EFHB: variants seen among roughly 807,000 people sequenced by gnomAD.
EFHB encodes the protein EF-hand domain family member B.
Under a neutral mutation model 87.2 loss-of-function variants are expected in EFHB, and 91 were observed. The ratio of observed to expected loss-of-function variants is 1.04; its 90% CI spans 0.88 to 1.24. The LOEUF (loss-of-function observed/expected upper bound fraction) is 1.24, where lower values mean the gene tolerates loss of function less well. EFHB is among the 50% of genes most tolerant of loss of function. The pLI is 0.00. For missense variants in EFHB, 1,084 were observed against 998.8 expected (o/e 1.09, Z -1.15); for synonymous variants, 325 against 333.6 (o/e 0.97, Z 0.28).
Position 19,899,468 on chromosome 3 carries a change from T to C in EFHB, c.1466A>G (p.Glu489Gly). 6.2e-7 allele frequency: 1 copy of C among 1,607,142 alleles called. No homozygotes were observed. Among genetic ancestry groups the C allele is most frequent in the Non-Finnish European group, 8.5e-7 (1 of 1,177,962 alleles). The part of the protein sequence containing the change: ...FVSKRADDFK[E>G]KFQHKLGRVL... ...TCTTCCAAGTTTATGTTGAAACTTT[T>C]CTTTGAAATCATCTGCTCTTTTGGA... is the stretch of plus-strand genomic sequence containing the variant. The change falls in exon 7 of 13, where the codon GAA becomes GGA. Residue 489 changes from glutamate (E) to glycine (G), a missense_variant. Transcript: ENST00000295824.
chr3:19,938,077 T>A (rs1428802700), upstream of EFHB, among the ~76,000 whole-genome samples: 1 of 152,172 alleles, frequency 6.6e-6, no homozygotes, highest in Non-Finnish European at 1.5e-5. Flanking sequence ...TCTTCCCTAG[T>A]TACCTGCCTC....
intron 11 of EFHB, among the ~76,000 whole-genome samples, chr3:19,884,115 T>A (rs114625210): frequency 6.6e-6 from 1 of 152,238 alleles, no homozygotes; most frequent in East Asian, 1.9e-4. Context: ...ATATTAATAC[T>A]TGGTGGAGTC....
At chr3:19,923,348 ATGTTTCATT>A (rs1695505098) in intron 1 of EFHB, among the ~76,000 whole-genome samples, 1 of 151,748 alleles carries the variant, frequency 6.6e-6, no homozygotes, top group South Asian at 2.1e-4. Flanking sequence ...GTAGTACCTA[ATGTTTCATT>A]TGTTTTGTTT....
chr3:19,882,727 G>T lies in EFHB; in HGVS notation c.2151C>A (p.Tyr717Ter). ...GAATGGTTGGAACACCACAAATGGG[G>T]TAACCTAGGTCATTGATGAGGGAAG... ...AIVGAIPSTC[Y>*]PICGVPTIRS... is the part of the protein sequence containing the mutation. The change falls in exon 12 of 13, where the codon TAC (tyrosine) becomes TAA (stop). Residue 717 changes from tyrosine (Y) to a stop codon, truncating the protein, a stop_gained. Coordinates refer to ENST00000295824, the MANE Select transcript of EFHB (RefSeq NM_144715.4). LOFTEE classifies it high-confidence loss of function. 6.2e-7 allele frequency: 1 copy of T among 1,611,202 alleles called. No homozygotes were observed. The highest frequency in any genetic ancestry group is 8.5e-7 in the Non-Finnish European group (1 of 1,178,272).
chr3:19,911,531 C>A (rs1255758307), intron 5 of EFHB, among the ~76,000 whole-genome samples: 2 of 151,992 alleles, frequency 1.3e-5, no homozygotes, highest in Non-Finnish European at 2.9e-5. Flanking sequence ...GGACTCCAGC[C>A]TGAGCAACAG....
chr3:19,920,785 A>G (rs1184859828), intron 1 of EFHB, among the ~76,000 whole-genome samples: 7 of 152,236 alleles, frequency 4.6e-5, no homozygotes, highest in African/African-American at 1.7e-4. Flanking sequence ...AATTGTAAGC[A>G]TATATTTTTA....
chr3:19,884,976 C>A, intron 10 of EFHB, among the ~76,000 whole-genome samples: 1 of 150,526 alleles, frequency 6.6e-6, no homozygotes, highest in Non-Finnish European at 1.5e-5. Context: ...AATCCCAGCA[C>A]TTTGGGAGGC....
chr3:19,905,832 C>A, intron 5 of EFHB, 83 bp from the exon 6 acceptor site: 1 of 1,466,102 alleles, frequency 6.8e-7, no homozygotes, highest in Non-Finnish European at 9.1e-7. Flanking sequence ...TTCTCATTGA[C>A]ATTGAAAATG....
rs145670243 is a variant in EFHB at position 19,918,258 on chromosome 3, G to A, written c.1151C>T (p.Thr384Met). 38 of 1,605,870 alleles carry A rather than the reference G, an allele frequency of 2.4e-5. No individual in the cohort carries two copies. Among genetic ancestry groups the A allele is most frequent in the Middle Eastern group, 1.7e-4 (1 of 6,040 alleles). Residue 384 changes from threonine to methionine, a missense_variant, in exon 4 of 13, where the codon ACG becomes ATG. Coordinates refer to ENST00000295824, the MANE Select transcript of EFHB (RefSeq NM_144715.4). ...GLPKGMDTTN[T>M]TFGTAVIKEY... ...TTTGATGACTGCTGTCCCAAATGTC[G>A]TATTGGTTGTGTCCATGCCTTTTGG...
chr3:19,946,218 A>G (rs1243974116), intron 1 of EFHB: 1 of 152,240 alleles, frequency 6.6e-6, no homozygotes, highest in East Asian at 1.9e-4. Context: ...GTGATCTCGG[A>G]CAAGTTACTC....
chr3:19,920,075 AT>A, intron 2 of EFHB, 99 bp from the exon 3 acceptor site: 18 of 1,228,240 alleles, frequency 1.5e-5, no homozygotes, highest in Non-Finnish European at 2.0e-5. Context: ...AAGTGCATGT[AT>A]GTAGTAAATG....
At chr3:19,933,085 T>C in intron 1 of EFHB, 145 bp downstream of exon 1, 2 of 1,067,552 alleles carry the variant, frequency 1.9e-6, no homozygotes, top group Non-Finnish European at 2.6e-6. Context: ...TCTGCAAAGA[T>C]TCCAGTGGGG....
chr3:19,938,372 C>G (rs75953408), upstream of EFHB, among the ~76,000 whole-genome samples: 4,225 of 152,216 alleles, frequency 0.028, 200 homozygotes, highest in African/African-American at 0.096. Context: ...ATATTGAACT[C>G]TAGTAAATGG....
chr3:19,896,591 G>A, intron 9 of EFHB, 96 bp downstream of exon 9: 1 of 1,484,638 alleles, frequency 6.7e-7, no homozygotes, highest in East Asian at 2.3e-5. Flanking sequence ...GGCTGGATTT[G>A]GCCCACAGGC....
At chr3:19,897,365 A>G (rs2125129192) in intron 8 of EFHB, among the ~76,000 whole-genome samples, 1 of 152,312 alleles carries the variant, frequency 6.6e-6, no homozygotes, top group East Asian at 1.9e-4. Context: ...TGCCACCACC[A>G]GCACTAGAGG....
intron 5 of EFHB, among the ~76,000 whole-genome samples, chr3:19,911,083 A>C (rs1039482851): frequency 6.6e-6 from 1 of 152,196 alleles, no homozygotes; most frequent in Non-Finnish European, 1.5e-5. Flanking sequence ...GGAAAATATG[A>C]CCTCACTAAA....
At chr3:19,894,720 G>A (rs1694415255) in intron 9 of EFHB, 1 of 152,090 alleles carries the variant, frequency 6.6e-6, no homozygotes, top group African/African-American at 2.4e-5. Flanking sequence ...CAGGCGCGGT[G>A]GTTCATACCT....
upstream of EFHB, among the ~76,000 whole-genome samples, chr3:19,939,205 C>T (rs1160684537): frequency 6.6e-6 from 1 of 151,954 alleles, no homozygotes; most frequent in Non-Finnish European, 1.5e-5. Flanking sequence ...CATGCCCAGC[C>T]TACTTTATGA....
chr3:19,909,212 C>A (rs949210387), intron 5 of EFHB, among the ~76,000 whole-genome samples: 6 of 152,028 alleles, frequency 3.9e-5, no homozygotes, highest in Non-Finnish European at 8.8e-5. Flanking sequence ...CCTCCCCAAC[C>A]CCGGCAGCAG....
Sources: allele counts gnomAD v4.1 joint callset (sites outside exome capture counted in the v4.1 genomes callset), GRCh38; gene constraint gnomAD v4.1.1; transcripts MANE v1.5; gene names NCBI Gene and HGNC (gene_info 2026-07-23, HGNC 2026-07-21).